Variants in FARS2 observed in about 807,000 individuals in gnomAD.
FARS2 encodes the protein phenylalanyl-tRNA synthetase 2, mitochondrial.
FARS2 carries 40 observed loss-of-function variants against 46.4 expected under a neutral mutation model. The observed-to-expected ratio is 0.86, with a 90% CI of 0.67 to 1.12. The LOEUF is 1.12. FARS2 is among the 50% of genes most tolerant of loss of function. The probability of loss-of-function intolerance (pLI) is 0.00; values close to 1 mark genes in which losing one functional copy is unlikely to be tolerated. For missense variants in FARS2, 513 were observed against 567.9 expected (o/e 0.90, Z 0.98); for synonymous variants, 234 against 214.9 (o/e 1.09, Z -0.78).
chr6:5,666,250 A>G (rs952308363), intron 6 of FARS2, among the ~76,000 whole-genome samples: 2 of 152,240 alleles, frequency 1.3e-5, no homozygotes, highest in Non-Finnish European at 2.9e-5. Context: ...TAACTAAAAG[A>G]AACATAAGTA....
chr6:5,442,414 T>TAC (rs140280522), intron 4 of FARS2, among the ~76,000 whole-genome samples: 54,188 of 150,130 alleles, frequency 0.36, 10,184 homozygotes, highest in East Asian at 0.43. Flanking sequence ...TATATATATA[T>TAC]ACACACACAC....
chr6:5,542,631 T>A (rs1205012992), intron 4 of FARS2, among the ~76,000 whole-genome samples: 1 of 152,202 alleles, frequency 6.6e-6, no homozygotes, highest in Non-Finnish European at 1.5e-5. Context: ...CTTCAGACCT[T>A]ACCAAATGTC....
chr6:5,342,217 T>C (rs1771705283), intron 1 of FARS2, among the ~76,000 whole-genome samples: 1 of 152,228 alleles, frequency 6.6e-6, no homozygotes, highest in Non-Finnish European at 1.5e-5. Context: ...TTTCTAGGCC[T>C]AATTGGGACT....
At chr6:5,260,598 TCCCCGGC>T, upstream of FARS2, 5 of 1,105,568 alleles carry the variant, frequency 4.5e-6, no homozygotes, top group South Asian at 6.6e-5. Context: ...GCACCCCCGG[TCCCCGGC>T]CCCTGGCCCC....
intron 3 of FARS2, among the ~76,000 whole-genome samples, chr6:5,429,817 C>T (rs1325607658): frequency 1.3e-5 from 2 of 151,994 alleles, no homozygotes; most frequent in African/African-American, 2.4e-5. Flanking sequence ...TATCAAACAA[C>T]ACAAAACAAA....
intron 1 of FARS2, among the ~76,000 whole-genome samples, chr6:5,283,466 T>C (rs945358132): frequency 2.0e-5 from 3 of 151,098 alleles, no homozygotes; most frequent in East Asian, 3.9e-4. Flanking sequence ...GGAGAATTGC[T>C]TGAACCCAGG....
intron 4 of FARS2, among the ~76,000 whole-genome samples, chr6:5,501,890 C>T (rs1489281261): frequency 6.6e-6 from 1 of 152,210 alleles, no homozygotes; most frequent in Non-Finnish European, 1.5e-5. Flanking sequence ...TTGAGCTTGC[C>T]TGCCCCTCCA....
chr6:5,661,926 G>A (rs1438341886), intron 6 of FARS2, among the ~76,000 whole-genome samples: 3 of 152,272 alleles, frequency 2.0e-5, no homozygotes, highest in African/African-American at 4.8e-5. Context: ...GAGAGACAGA[G>A]GAGAGATGTT....
At chr6:5,523,550 T>C (rs1004140022) in intron 4 of FARS2, among the ~76,000 whole-genome samples, 3 of 152,198 alleles carry the variant, frequency 2.0e-5, no homozygotes, top group African/African-American at 7.2e-5. Flanking sequence ...TCAGGGTCTC[T>C]GTATTCAGTG....
intron 2 of FARS2, among the ~76,000 whole-genome samples, chr6:5,372,708 T>C (rs1044054261): frequency 1.3e-5 from 2 of 152,162 alleles, no homozygotes; most frequent in East Asian, 1.9e-4. Flanking sequence ...ACTGCTCAAA[T>C]GTGGGGAACC....
At chr6:5,659,112 G>A (rs1777733094) in intron 6 of FARS2, among the ~76,000 whole-genome samples, 2 of 152,152 alleles carry the variant, frequency 1.3e-5, no homozygotes, top group African/African-American at 4.8e-5. Context: ...AGTCATATGT[G>A]TCCCACTGGG....
intron 2 of FARS2, among the ~76,000 whole-genome samples, chr6:5,403,025 G>T (rs897891480): frequency 1.1e-4 from 16 of 145,504 alleles, no homozygotes; most frequent in African/African-American, 4.3e-4. Flanking sequence ...ATTCCTTCCT[G>T]CCTGCCTGCC....
chr6:5,404,301 A>G (rs1403580064), intron 2 of FARS2, among the ~76,000 whole-genome samples: 1 of 152,260 alleles, frequency 6.6e-6, no homozygotes, highest in Non-Finnish European at 1.5e-5. Flanking sequence ...AAAACAGATT[A>G]GCAAAGATCA....
At chr6:5,619,329 C>T (rs1203045961) in intron 6 of FARS2, among the ~76,000 whole-genome samples, 1 of 152,090 alleles carries the variant, frequency 6.6e-6, no homozygotes, top group East Asian at 1.9e-4. Flanking sequence ...AAAAATGCCC[C>T]AGGTATCTGC....
chr6:5,621,283 G>T (rs1331542751), intron 6 of FARS2, among the ~76,000 whole-genome samples: 3 of 151,366 alleles, frequency 2.0e-5, no homozygotes, highest in Admixed American at 1.3e-4. Flanking sequence ...AGAGATGGAG[G>T]TCTTGCTTCG....
chr6:5,644,449 G>A (rs182735218), intron 6 of FARS2, among the ~76,000 whole-genome samples: 217 of 152,270 alleles, frequency 1.4e-3, no homozygotes, highest in Middle Eastern at 6.8e-3. Flanking sequence ...CTGAGCTCAA[G>A]CAATCTGCCC....
chr6:5,461,211 TG>T (rs1265739254), intron 4 of FARS2, among the ~76,000 whole-genome samples: 3 of 152,108 alleles, frequency 2.0e-5, no homozygotes, highest in Admixed American at 6.5e-5. Flanking sequence ...GCTAATTTTT[TG>T]TATTTTTAAT....
chr6:5,296,556 G>A (rs977266562), intron 1 of FARS2, among the ~76,000 whole-genome samples: 8 of 151,954 alleles, frequency 5.3e-5, no homozygotes, highest in African/African-American at 1.7e-4. Context: ...TTGAAACTTC[G>A]TACCCAGTAA....
At chr6:5,701,216 C>T (rs914709350) in intron 6 of FARS2, among the ~76,000 whole-genome samples, 2 of 152,252 alleles carry the variant, frequency 1.3e-5, no homozygotes, top group Non-Finnish European at 2.9e-5. Context: ...TTACCGGGCT[C>T]TGCCCCTAGC....
Sources: gnomAD v4.1 joint callset for allele counts (sites outside exome capture counted in the v4.1 genomes callset) on GRCh38, gnomAD v4.1.1 for gene constraint, MANE v1.5 for transcripts, NCBI Gene and HGNC (gene_info 2026-07-23, HGNC 2026-07-21) for gene names.